Variants in KIAA1549L observed in about 807,000 individuals in gnomAD.
The protein encoded by KIAA1549L is UPF0606 protein KIAA1549L.
Under a neutral mutation model 160.7 loss-of-function variants are expected in KIAA1549L, and 88 were observed. That is an observed-to-expected ratio of 0.55 (90% CI 0.46 to 0.65). The LOEUF (loss-of-function observed/expected upper bound fraction) is 0.65. Ranked by LOEUF, KIAA1549L falls within the 30% of genes least tolerant of loss-of-function variation. The pLI is 0.00. For synonymous variants in KIAA1549L, 950 were observed against 976.7 expected (o/e 0.97, Z 0.51); for missense variants, 2,258 against 2,437.5 (o/e 0.93, Z 1.55).
intron 1 of KIAA1549L, among the ~76,000 whole-genome samples, chr11:33,504,300 G>A (rs371938259): frequency 1.1e-4 from 17 of 152,128 alleles, no homozygotes; most frequent in African/African-American, 4.1e-4. Context: ...TTCTTCTGAT[G>A]TAAGAACTTT....
At chr11:33,520,982 G>A (rs1205383426) in intron 1 of KIAA1549L, among the ~76,000 whole-genome samples, 5 of 151,930 alleles carry the variant, frequency 3.3e-5, no homozygotes, top group African/African-American at 9.7e-5. Context: ...GGGCAACAGA[G>A]CAAGACCCAA....
At chr11:33,624,487 G>T (rs976670730) in intron 16 of KIAA1549L, among the ~76,000 whole-genome samples, 3 of 152,078 alleles carry the variant, frequency 2.0e-5, no homozygotes, top group Non-Finnish European at 4.4e-5. Flanking sequence ...CTTTCTTCTA[G>T]CAAACATTAA....
chr11:33,518,419 T>C (rs1853405652), intron 1 of KIAA1549L, among the ~76,000 whole-genome samples: 1 of 152,166 alleles, frequency 6.6e-6, no homozygotes, highest in Non-Finnish European at 1.5e-5. Context: ...TTTCCCTCTT[T>C]CCCTTGAGTA....
chr11:33,608,756 G>A (rs1850571878), intron 14 of KIAA1549L, among the ~76,000 whole-genome samples: 1 of 152,234 alleles, frequency 6.6e-6, no homozygotes, highest in South Asian at 2.1e-4. Flanking sequence ...GCTGTATTTT[G>A]GTAGTTAAAG....
Position 33,435,842 on chromosome 11 carries a change from A to ATG in KIAA1549L, c.238+58973_238+58974dup, listed in dbSNP as rs71034688. On this transcript the variant is annotated intron_variant, in intron 1 of 20. Coordinates refer to ENST00000658780, the MANE Select transcript of KIAA1549L (RefSeq NM_012194.3). Reference sequence around the variant, plus strand: ...TGTATATATATATATGTATATGTATATGTGTGTGTGTGTGTGTGTGTATAA... The same window carrying ATG: ...TGTATATATATATATGTATATGTATATGTGTGTGTGTGTGTGTGTGTGTATAA... Among the ~76,000 whole-genome samples, 436 of 67,598 alleles carry ATG rather than the reference A, an allele frequency of 6.4e-3. 32 individuals carry two copies. Among genetic ancestry groups the ATG allele is most frequent in the African/African-American group, 0.033 (343 of 10,418 alleles). The allele number at this position is 67,598 out of a possible 152,430, so 44.3% of individuals were successfully genotyped here.
At chr11:33,599,362 C>T (rs919234376) in intron 13 of KIAA1549L, 1 of 154,630 alleles carries the variant, frequency 6.5e-6, no homozygotes, top group Non-Finnish European at 1.4e-5. Context: ...CTTGGAGATT[C>T]CTCTCATTTT....
chr11:33,486,790 C>T (rs1224958824), intron 1 of KIAA1549L, among the ~76,000 whole-genome samples: 1 of 152,112 alleles, frequency 6.6e-6, no homozygotes, highest in Non-Finnish European at 1.5e-5. Flanking sequence ...GAGCTACCTG[C>T]AAAATTCAAT....
intron 12 of KIAA1549L, among the ~76,000 whole-genome samples, chr11:33,592,693 A>G (rs1358837568): frequency 2.6e-5 from 4 of 152,234 alleles, no homozygotes; most frequent in African/African-American, 7.2e-5. Flanking sequence ...GGTAAAATCT[A>G]TCTATTTCTG....
chr11:33,521,039 T>C (rs190054571), intron 1 of KIAA1549L, among the ~76,000 whole-genome samples: 1 of 152,078 alleles, frequency 6.6e-6, no homozygotes, highest in East Asian at 1.9e-4. Flanking sequence ...TGGTGGCACA[T>C]GCCCGTAGCT....
At chr11:33,657,967 T>C (rs867065813) in intron 18 of KIAA1549L, among the ~76,000 whole-genome samples, 2 of 152,128 alleles carry the variant, frequency 1.3e-5, no homozygotes, top group Non-Finnish European at 2.9e-5. Flanking sequence ...CTCTCTCCCA[T>C]TGGGCTAATT....
chr11:33,628,485 T>C lies in KIAA1549L; in HGVS notation c.5409+9823T>C, dbSNP rs553654870. 7.4e-4 allele frequency among the ~76,000 whole-genome samples: 112 copies of C among 150,836 alleles called. 2 individuals carry two copies. The highest frequency in any genetic ancestry group is 2.7e-3 in the African/African-American group (110 of 40,458). On this transcript the variant is annotated intron_variant, in intron 16 of 20. Coordinates refer to ENST00000658780, the MANE Select transcript of KIAA1549L (RefSeq NM_012194.3). ...TGGGTGCTCCTGTATTGGGCGCATATATATTTAGGATAGTTAGCTCTTCTT... is the reference window on the plus strand; with the variant it reads ...TGGGTGCTCCTGTATTGGGCGCATACATATTTAGGATAGTTAGCTCTTCTT...
intron 1 of KIAA1549L, among the ~76,000 whole-genome samples, chr11:33,482,595 A>T: frequency 7.4e-6 from 1 of 135,930 alleles, no homozygotes; most frequent in African/African-American, 2.8e-5. Flanking sequence ...TTTGAGACTG[A>T]GTCACTCTGT....
intron 1 of KIAA1549L, among the ~76,000 whole-genome samples, chr11:33,393,311 C>T (rs995625501): frequency 1.3e-5 from 2 of 152,198 alleles, no homozygotes; most frequent in Non-Finnish European, 2.9e-5. Flanking sequence ...CCTTCCCTGG[C>T]ATGCACTCTG....
In KIAA1549L at chr11:33,433,934, G is replaced by A. The variant is rs567512232; in HGVS notation, c.238+57045G>A. Among the ~76,000 whole-genome samples the A allele has an allele frequency of 3.9e-5, 6 of 152,254 alleles. No individual in the cohort carries two copies. In the South Asian group the frequency reaches 1.2e-3, roughly 32 times the overall value. On this transcript the variant is annotated intron_variant, in intron 1 of 20. Transcript: ENST00000658780. ...AGGGGAACAACACATACCATGGCCT[G>A]TTATGGGGGTCAGGGGTGAGGGGAG...
chr11:33,485,641 G>A (rs566499667), intron 1 of KIAA1549L, among the ~76,000 whole-genome samples: 6 of 151,668 alleles, frequency 4.0e-5, no homozygotes, highest in Admixed American at 2.6e-4. Context: ...ATTTTTTTTG[G>A]TGAGAACATT....
At chr11:33,535,360 CCTATT>C (rs1170803515) in intron 1 of KIAA1549L, among the ~76,000 whole-genome samples, 1 of 152,068 alleles carries the variant, frequency 6.6e-6, no homozygotes, top group Non-Finnish European at 1.5e-5. Flanking sequence ...CATCCCATCT[CCTATT>C]CTGTTGTTAG....
In KIAA1549L at chr11:33,451,227, G is replaced by T. The variant is rs185418010; in HGVS notation, c.238+74338G>T. 4.8e-3 allele frequency among the ~76,000 whole-genome samples: 734 copies of T among 152,252 alleles called. 4 individuals are homozygous for T. Among genetic ancestry groups the T allele is most frequent in the Non-Finnish European group, 7.4e-3 (501 of 68,026 alleles). ...AAGGACCTACTATGTGCAACGCTGA[G>T]GATTCAGAAAGGAAGAAGACATGAA... On this transcript the variant is annotated intron_variant, in intron 1 of 20. Coordinates refer to ENST00000658780, the MANE Select transcript of KIAA1549L (RefSeq NM_012194.3).
chr11:33,568,258 T>C, intron 9 of KIAA1549L, 31 bp downstream of exon 9: 1 of 1,561,866 alleles, frequency 6.4e-7, no homozygotes. Flanking sequence ...TGGGGTTTTC[T>C]AATAACTGGG....
At chr11:33,481,300 C>T (rs774382066) in intron 1 of KIAA1549L, among the ~76,000 whole-genome samples, 1 of 152,072 alleles carries the variant, frequency 6.6e-6, no homozygotes, top group Non-Finnish European at 1.5e-5. Flanking sequence ...TCTTTTTTAT[C>T]TCTTCAGTAG....
Sources: gnomAD v4.1 joint callset for allele counts (sites outside exome capture counted in the v4.1 genomes callset) on GRCh38, gnomAD v4.1.1 for gene constraint, MANE v1.5 for transcripts, NCBI Gene and HGNC (gene_info 2026-07-23, HGNC 2026-07-21) for gene names.